DNAH14: variants seen among roughly 807,000 people sequenced by gnomAD.
DNAH14 encodes the protein axonemal beta dynein heavy chain 14.
Under a neutral mutation model 520.9 loss-of-function variants are expected in DNAH14, and 478 were observed. The ratio of observed to expected loss-of-function variants is 0.92; its 90% CI spans 0.85 to 0.99. The LOEUF (loss-of-function observed/expected upper bound fraction) is 0.99. Ranked by LOEUF, DNAH14 falls within the 50% of genes least tolerant of loss-of-function variation. DNAH14 has a pLI of 0.00. For missense variants in DNAH14, 4,831 were observed against 5,234.5 expected, an observed-to-expected ratio of 0.92 and a Z score of 2.38; for synonymous variants, 1,581 against 1,757.2, an observed-to-expected ratio of 0.90 and a Z score of 2.51.
intron 17 of DNAH14, among the ~76,000 whole-genome samples, chr1:225,077,544 T>C (rs775065632): frequency 2.2e-4 from 33 of 152,214 alleles, no homozygotes; most frequent in Non-Finnish European, 1.3e-4. Context: ...TAAATAGTTA[T>C]GTTTACTCAG....
intron 43 of DNAH14, among the ~76,000 whole-genome samples, chr1:225,248,393 G>A (rs935430075): frequency 2.6e-5 from 4 of 152,260 alleles, no homozygotes; most frequent in Admixed American, 1.3e-4. Flanking sequence ...CACAAAATAA[G>A]ATGGAAGAGG....
At chr1:225,335,927 A>G (rs1227746051) in intron 66 of DNAH14, among the ~76,000 whole-genome samples, 1 of 145,116 alleles carries the variant, frequency 6.9e-6, no homozygotes, top group Non-Finnish European at 1.5e-5. Flanking sequence ...ATATGCACAT[A>G]TACCTATATA....
intron 23 of DNAH14, among the ~76,000 whole-genome samples, chr1:225,116,270 C>CA (rs2076867586): frequency 6.6e-6 from 1 of 152,038 alleles, no homozygotes; most frequent in Admixed American, 6.6e-5. Context: ...TATAAGTAGC[C>CA]ACTGAAGGAT....
chr1:225,129,366 C>G (rs911600417), intron 27 of DNAH14, among the ~76,000 whole-genome samples: 2 of 151,844 alleles, frequency 1.3e-5, no homozygotes, highest in South Asian at 2.1e-4. Context: ...CCAAGTCAAT[C>G]CTAAGCCAAA....
intron 37 of DNAH14, among the ~76,000 whole-genome samples, chr1:225,188,223 G>A (rs573654568): frequency 6.6e-6 from 1 of 151,934 alleles, no homozygotes; most frequent in Non-Finnish European, 1.5e-5. Context: ...AACATTAAAT[G>A]GAAAATTTCA....
chr1:225,396,319 G>C (rs1410778458), intron 84 of DNAH14: 3 of 152,226 alleles, frequency 2.0e-5, no homozygotes, highest in African/African-American at 7.2e-5. Flanking sequence ...CCCTCTAGAA[G>C]ATCCCAATCT....
chr1:225,169,665 TG>T (rs1275939418), intron 36 of DNAH14, among the ~76,000 whole-genome samples: 5 of 152,304 alleles, frequency 3.3e-5, no homozygotes, highest in Non-Finnish European at 1.5e-5. Context: ...CTGAAAGTGA[TG>T]GGGAGAATGG....
intron 74 of DNAH14, 88 bp downstream of exon 74, chr1:225,358,740 A>C: frequency 7.3e-7 from 1 of 1,369,068 alleles, no homozygotes; most frequent in East Asian, 2.6e-5. Context: ...AATCCCCATA[A>C]TCCCCACATG....
At chr1:225,284,795 G>C (rs1362092477) in intron 54 of DNAH14, among the ~76,000 whole-genome samples, 1 of 152,112 alleles carries the variant, frequency 6.6e-6, no homozygotes, top group African/African-American at 2.4e-5. Flanking sequence ...TCATAAACAA[G>C]TGAGATTTAC....
chr1:225,354,035 C>A, intron 73 of DNAH14, 147 bp downstream of exon 73: 1 of 666,042 alleles, frequency 1.5e-6, no homozygotes, highest in Admixed American at 2.4e-5. Flanking sequence ...GAAGCACCTA[C>A]GCCTCCCCTT....
At chr1:225,309,045 G>A (rs903267611) in intron 60 of DNAH14, among the ~76,000 whole-genome samples, 10 of 152,152 alleles carry the variant, frequency 6.6e-5, no homozygotes, top group African/African-American at 2.2e-4. Flanking sequence ...AATTATATCC[G>A]TGGGCTGCTG....
intron 10 of DNAH14, among the ~76,000 whole-genome samples, chr1:225,011,758 CTT>C (rs200216236): frequency 2.4e-5 from 2 of 82,156 alleles, no homozygotes; most frequent in African/African-American, 1.2e-4. Flanking sequence ...GCAACCTCTG[CTT>C]TTTTTTTTTT....
chr1:225,358,657 G>A lies in DNAH14; in HGVS notation c.11776+5G>A. ...TGATACTTATTCAAACTCATGGTAA[G>A]CTATTTGTGAATAGTTAAGATGATC... is the stretch of plus-strand genomic sequence containing the variant. On this transcript the variant is annotated splice_donor_5th_base_variant and intron_variant, in intron 74 of 85. Coordinates refer to ENST00000682510, the MANE Select transcript of DNAH14 (RefSeq NM_001367479.1). 1.3e-6 allele frequency: 2 copies of A among 1,545,562 alleles called. No individual in the cohort carries two copies. The highest frequency in any genetic ancestry group is 1.7e-6 in the Non-Finnish European group (2 of 1,145,222).
intron 8 of DNAH14, among the ~76,000 whole-genome samples, chr1:224,975,895 G>A (rs1314614481): frequency 6.6e-6 from 1 of 151,098 alleles, no homozygotes; most frequent in African/African-American, 2.4e-5. Context: ...ACACTGCTTT[G>A]AATGTGTCCC....
At chr1:224,942,973 G>C (rs190439417) in intron 1 of DNAH14, among the ~76,000 whole-genome samples, 2 of 152,170 alleles carry the variant, frequency 1.3e-5, no homozygotes, top group Admixed American at 1.3e-4. Context: ...CTCTTTTTTT[G>C]TTGTGTCTCT....
chr1:225,018,139 G>A (rs982897018), intron 10 of DNAH14, among the ~76,000 whole-genome samples: 3 of 152,140 alleles, frequency 2.0e-5, no homozygotes, highest in African/African-American at 7.2e-5. Context: ...ACAAGAGAAG[G>A]TCAAAACCAA....
chr1:225,248,608 T>TA (rs1379415420), intron 43 of DNAH14, among the ~76,000 whole-genome samples: 5 of 152,126 alleles, frequency 3.3e-5, no homozygotes, highest in Non-Finnish European at 1.5e-5. Context: ...TATACCCAGG[T>TA]CAGTATATGT....
At chr1:225,151,315 A>G (rs1343710305) in intron 31 of DNAH14, among the ~76,000 whole-genome samples, 1 of 150,290 alleles carries the variant, frequency 6.7e-6, no homozygotes. Context: ...GGACTCATAA[A>G]TCTGTGGATA....
intron 27 of DNAH14, among the ~76,000 whole-genome samples, chr1:225,140,495 A>G (rs962776536): frequency 6.6e-6 from 1 of 152,188 alleles, no homozygotes; most frequent in African/African-American, 2.4e-5. Context: ...TACTGTCCCC[A>G]GGTTATTACT....
Sources: allele counts gnomAD v4.1 joint callset (sites outside exome capture counted in the v4.1 genomes callset), GRCh38; gene constraint gnomAD v4.1.1; transcripts MANE v1.5; gene names NCBI Gene and HGNC (gene_info 2026-07-23, HGNC 2026-07-21).